Variants in ZFHX3 observed in about 807,000 individuals in gnomAD.
ZFHX3 encodes the protein zinc finger homeobox 3.
A neutral mutation model predicts 279.1 loss-of-function variants in ZFHX3; 42 were observed. The ratio of observed to expected loss-of-function variants is 0.15; its 90% CI spans 0.12 to 0.19. The LOEUF (loss-of-function observed/expected upper bound fraction) is 0.19, where lower values mean the gene tolerates loss of function less well. ZFHX3 is among the 10% of genes least tolerant of loss of function. The pLI is 1.00. For missense variants in ZFHX3, 4,981 were observed against 4,754.0 expected, an observed-to-expected ratio of 1.05 and a Z score of -1.40; for synonymous variants, 2,293 against 1,957.8, an observed-to-expected ratio of 1.17 and a Z score of -4.52.
chr16:73,315,763 T>C (rs2015431487), intron 4 of ZFHX3, among the ~76,000 whole-genome samples: 5 of 152,230 alleles, frequency 3.3e-5, no homozygotes, highest in African/African-American at 1.2e-4. Context: ...GTGTTTTCTT[T>C]GTATGCATCA....
At chr16:73,862,196 C>A (rs1156430787) in intron 1 of ZFHX3, among the ~76,000 whole-genome samples, 1 of 152,164 alleles carries the variant, frequency 6.6e-6, no homozygotes, top group Non-Finnish European at 1.5e-5. Context: ...CTGCAGCTCC[C>A]ATGGCTGGTC....
At chr16:73,175,547 G>A (rs1967644624) in intron 5 of ZFHX3, among the ~76,000 whole-genome samples, 1 of 152,194 alleles carries the variant, frequency 6.6e-6, no homozygotes, top group East Asian at 1.9e-4. Flanking sequence ...GGGCTGGGAG[G>A]AGTAAGTGCA....
chr16:73,152,161 G>C (rs977200071), intron 5 of ZFHX3, among the ~76,000 whole-genome samples: 3 of 152,104 alleles, frequency 2.0e-5, no homozygotes. Context: ...AACAAGTCAA[G>C]ACCCTGGATA....
At chr16:73,671,381 C>T (rs1015773264) in intron 2 of ZFHX3, among the ~76,000 whole-genome samples, 4 of 152,144 alleles carry the variant, frequency 2.6e-5, no homozygotes, top group East Asian at 1.9e-4. Context: ...TGCAAAGAGA[C>T]GGCCGGAGCT....
chr16:73,309,497 C>T (rs1349003915), intron 4 of ZFHX3, among the ~76,000 whole-genome samples: 4 of 152,038 alleles, frequency 2.6e-5, no homozygotes, highest in Non-Finnish European at 5.9e-5. Flanking sequence ...TGCAAGGAAA[C>T]TAGTCCACAG....
At chr16:73,425,133 C>T (rs186329160) in intron 3 of ZFHX3, among the ~76,000 whole-genome samples, 12 of 152,310 alleles carry the variant, frequency 7.9e-5, no homozygotes, top group Non-Finnish European at 4.4e-5. Flanking sequence ...TCAGCAAGTA[C>T]TTCTTGAGCA....
intron 1 of ZFHX3, among the ~76,000 whole-genome samples, chr16:72,989,308 C>G: frequency 6.6e-6 from 1 of 152,120 alleles, no homozygotes; most frequent in African/African-American, 2.4e-5. Flanking sequence ...AAGGTGAAAC[C>G]CTGTCTCTAC....
At chr16:73,269,035 CTCT>C (rs1345774638) in intron 4 of ZFHX3, among the ~76,000 whole-genome samples, 1 of 152,238 alleles carries the variant, frequency 6.6e-6, no homozygotes, top group Non-Finnish European at 1.5e-5. Context: ...AGCTAAAAAG[CTCT>C]TTGGTTATTG....
chr16:73,143,399 G>C (rs1388113028), intron 6 of ZFHX3, among the ~76,000 whole-genome samples: 1 of 152,038 alleles, frequency 6.6e-6, no homozygotes, highest in African/African-American at 2.4e-5. Context: ...GACATAGTAG[G>C]GTGGGTGAAA....
At chr16:73,026,511 A>T (rs7203164) in intron 1 of ZFHX3, among the ~76,000 whole-genome samples, 8,689 of 151,546 alleles carry the variant, frequency 0.057, 609 homozygotes, top group East Asian at 0.31. Flanking sequence ...GTCTCTACTA[A>T]ATACAAAAAA....
intron 3 of ZFHX3, among the ~76,000 whole-genome samples, chr16:73,367,195 G>T (rs995152311): frequency 5.3e-5 from 8 of 151,884 alleles, no homozygotes; most frequent in Admixed American, 2.6e-4. Context: ...ACATTAAATC[G>T]CCACCCAATG....
intron 1 of ZFHX3, among the ~76,000 whole-genome samples, chr16:73,692,230 C>T (rs536234779): frequency 2.3e-4 from 35 of 152,170 alleles, no homozygotes; most frequent in East Asian, 3.9e-4. Context: ...AATGATAGTG[C>T]GTAGGAGGGC....
chr16:73,488,955 T>C (rs1026179096), intron 2 of ZFHX3, among the ~76,000 whole-genome samples: 1 of 152,202 alleles, frequency 6.6e-6, no homozygotes, highest in African/African-American at 2.4e-5. Context: ...CTATCTCATA[T>C]GGCTGTTGTG....
intron 2 of ZFHX3, among the ~76,000 whole-genome samples, chr16:73,665,661 CT>C (rs1236968340): frequency 7.9e-5 from 12 of 151,768 alleles, no homozygotes; most frequent in African/African-American, 2.7e-4. Context: ...AGGATATCTG[CT>C]TTACTAAGAT....
At chr16:73,240,051 G>GTATA (rs1008007101) in intron 5 of ZFHX3, among the ~76,000 whole-genome samples, 4 of 148,162 alleles carry the variant, frequency 2.7e-5, no homozygotes, top group African/African-American at 7.7e-5. Context: ...GTGTGTGTGT[G>GTATA]TATATCTATA....
At chr16:73,022,198 C>T (rs985353549) in intron 1 of ZFHX3, among the ~76,000 whole-genome samples, 18 of 152,086 alleles carry the variant, frequency 1.2e-4, no homozygotes, top group African/African-American at 3.1e-4. Context: ...GGAGTATCAC[C>T]GGCACCAACA....
Position 72,796,427 on chromosome 16 carries a change from G to T in ZFHX3, c.6255C>A (p.Leu2085=), listed in dbSNP as rs770702838. Residue 2085 remains leucine, a synonymous_variant, in exon 9 of 10, where the codon CTC becomes CTA. Coordinates refer to ENST00000268489, the MANE Select transcript of ZFHX3 (RefSeq NM_006885.4). ...GCTCCATCGGCATGGAGAGCTGGGT[G>T]AGCGGCACTGATGGCTGGGCCGGTG... ...TIAPAQPSVP[L]TQLSMPMELP... is the part of the protein sequence containing the mutation. 2 of 1,611,274 alleles carry T rather than the reference G, an allele frequency of 1.2e-6. No individual in the cohort carries two copies. The highest frequency in any genetic ancestry group is 1.7e-6 in the Non-Finnish European group (2 of 1,179,996).
intron 2 of ZFHX3, among the ~76,000 whole-genome samples, chr16:73,538,953 T>C (rs1278116103): frequency 2.0e-5 from 3 of 152,164 alleles, no homozygotes; most frequent in East Asian, 1.9e-4. Flanking sequence ...AGATACCTTA[T>C]TGGCAGAAAC....
intron 5 of ZFHX3, among the ~76,000 whole-genome samples, chr16:72,813,510 A>G (rs988272092): frequency 2.0e-5 from 3 of 152,194 alleles, no homozygotes; most frequent in Admixed American, 6.5e-5. Flanking sequence ...CAGGAAGTTG[A>G]TGCTCTTCCC....
Sources: gnomAD v4.1 joint callset for allele counts (sites outside exome capture counted in the v4.1 genomes callset) on GRCh38, gnomAD v4.1.1 for gene constraint, MANE v1.5 for transcripts, NCBI Gene and HGNC (gene_info 2026-07-23, HGNC 2026-07-21) for gene names.